Variants in RC3H2 observed in about 807,000 individuals in gnomAD.
RC3H2 encodes roquin-2.
Under a neutral mutation model 133.3 loss-of-function variants are expected in RC3H2, and 31 were observed. That is an observed-to-expected ratio of 0.23 (90% confidence interval 0.17 to 0.31). RC3H2 has a LOEUF of 0.31. RC3H2 is among the 10% of genes least tolerant of loss of function. The probability of loss-of-function intolerance (pLI) is 1.00; values close to 1 mark genes in which losing one functional copy is unlikely to be tolerated. For missense variants in RC3H2, 1,175 were observed against 1,437.2 expected (o/e 0.82, Z 2.95); for synonymous variants, 517 against 502.2 (o/e 1.03, Z -0.40).
intron 4 of RC3H2, among the ~76,000 whole-genome samples, chr9:122,889,733 A>C (rs1202994009): frequency 6.6e-6 from 1 of 152,234 alleles, no homozygotes; most frequent in Non-Finnish European, 1.5e-5. Context: ...TTGGTTTTCT[A>C]ATTTGTAAAA....
intron 1 of RC3H2, among the ~76,000 whole-genome samples, chr9:122,898,712 G>A (rs1017127293): frequency 6.2e-5 from 9 of 144,212 alleles, no homozygotes; most frequent in Non-Finnish European, 1.2e-4. Flanking sequence ...TCACGTCATC[G>A]CACTCCAGCC....
intron 13 of RC3H2, among the ~76,000 whole-genome samples, chr9:122,856,791 A>C (rs999610564): frequency 6.6e-6 from 1 of 152,194 alleles, no homozygotes; most frequent in African/African-American, 2.4e-5. Flanking sequence ...AGGGCAAAAA[A>C]GTTAAAAAAC....
At chr9:122,904,626 A>G (rs2131519917) in intron 1 of RC3H2, among the ~76,000 whole-genome samples, 1 of 152,162 alleles carries the variant, frequency 6.6e-6, no homozygotes, top group East Asian at 1.9e-4. Flanking sequence ...CCATCCTGGG[A>G]GGTTAAGCCC....
chr9:122,851,497 C>T, intron 18 of RC3H2, 61 bp from the exon 19 acceptor site: 1 of 1,574,326 alleles, frequency 6.4e-7, no homozygotes, highest in Non-Finnish European at 8.6e-7. Context: ...GTCTCCCTCT[C>T]CCCATGGTCT....
chr9:122,889,873 G>A (rs1832084636), intron 4 of RC3H2, among the ~76,000 whole-genome samples: 1 of 152,186 alleles, frequency 6.6e-6, no homozygotes, highest in Admixed American at 6.5e-5. Flanking sequence ...TGGGTGCAGT[G>A]GCTCACGCCT....
At chr9:122,852,659 C>T (rs1227328332) in intron 18 of RC3H2, among the ~76,000 whole-genome samples, 4 of 150,316 alleles carry the variant, frequency 2.7e-5, no homozygotes, top group Admixed American at 6.6e-5. Context: ...CCCGGCCAGC[C>T]GCCCTGTCCG....
chr9:122,875,437 A>T, intron 9 of RC3H2: 1 of 1,445,382 alleles, frequency 6.9e-7, no homozygotes, highest in Non-Finnish European at 9.1e-7. Context: ...GTTTTTATAA[A>T]TAAAGTTTAC....
intron 20 of RC3H2, among the ~76,000 whole-genome samples, chr9:122,850,508 C>T (rs1289816227): frequency 9.2e-5 from 14 of 151,716 alleles, no homozygotes; most frequent in African/African-American, 2.9e-4. Context: ...TGCAGTGTCA[C>T]GATCTTGGCT....
chr9:122,852,369 G>A (rs1467407567), intron 18 of RC3H2, among the ~76,000 whole-genome samples: 12 of 149,990 alleles, frequency 8.0e-5, no homozygotes, highest in Admixed American at 6.6e-5. Flanking sequence ...AGTGAGGAGC[G>A]TCTCCGCCCG....
chr9:122,890,857 T>C (rs1028202310), intron 3 of RC3H2, among the ~76,000 whole-genome samples: 14 of 152,170 alleles, frequency 9.2e-5, no homozygotes, highest in African/African-American at 3.1e-4. Flanking sequence ...GTAAGAATAT[T>C]GCTCCAGCAA....
intron 1 of RC3H2, among the ~76,000 whole-genome samples, chr9:122,902,162 C>A (rs1832681567): frequency 2.0e-5 from 3 of 151,962 alleles, no homozygotes; most frequent in Admixed American, 2.0e-4. Context: ...AACTCCTGAC[C>A]TCAGGTGATC....
At chr9:122,890,880 C>G in intron 3 of RC3H2, among the ~76,000 whole-genome samples, 1 of 152,072 alleles carries the variant, frequency 6.6e-6, no homozygotes, top group East Asian at 1.9e-4. Context: ...CTCCCCTCTC[C>G]CACATTATCA....
In RC3H2 at chr9:122,849,592, T is replaced by A. The variant is rs889386850; in HGVS notation, c.*35A>T. The A allele has an allele frequency of 7.3e-7, 1 of 1,368,466 alleles. No individual in the cohort carries two copies. Among genetic ancestry groups the A allele is most frequent in the African/African-American group, 1.4e-5 (1 of 69,452 alleles). 84.8% of individuals were successfully genotyped at this position (1,368,466 alleles called of 1,614,324 possible). On this transcript the variant is annotated 3_prime_UTR_variant, in exon 21 of 21. Coordinates refer to ENST00000357244, the MANE Select transcript of RC3H2 (RefSeq NM_001100588.3). ...TAAAAAGCTAGTGTAAATGCTTCCATGGTGTGGTCACAAATTTGAAAGATG... is the reference window on the plus strand; with the variant it reads ...TAAAAAGCTAGTGTAAATGCTTCCAAGGTGTGGTCACAAATTTGAAAGATG...
intron 9 of RC3H2, among the ~76,000 whole-genome samples, chr9:122,872,632 C>T (rs978951615): frequency 3.3e-5 from 5 of 152,104 alleles, no homozygotes; most frequent in Admixed American, 3.3e-4. Flanking sequence ...CTCACTCTAT[C>T]ACCCAGGTTG....
intron 8 of RC3H2, among the ~76,000 whole-genome samples, chr9:122,879,314 A>G (rs1379995586): frequency 6.6e-6 from 1 of 151,938 alleles, no homozygotes; most frequent in African/African-American, 2.4e-5. Context: ...GAATCACCTG[A>G]ACTCAGGAGG....
At chr9:122,865,691 T>C (rs1830617832) in intron 9 of RC3H2, 34 bp from the exon 10 acceptor site, 6 of 1,575,860 alleles carry the variant, frequency 3.8e-6, no homozygotes, top group Non-Finnish European at 5.2e-6. Flanking sequence ...TTGGTGAATA[T>C]TTCACTAAAT....
chr9:122,900,239 G>GAAA (rs1832604410), intron 1 of RC3H2, among the ~76,000 whole-genome samples: 1 of 151,922 alleles, frequency 6.6e-6, no homozygotes, highest in African/African-American at 2.4e-5. Context: ...AGATATAAAG[G>GAAA]TAAAACACTG....
intron 4 of RC3H2, among the ~76,000 whole-genome samples, chr9:122,887,161 G>A (rs368489458): frequency 1.3e-5 from 2 of 152,152 alleles, no homozygotes; most frequent in South Asian, 2.1e-4. Context: ...AATACATTTG[G>A]GGATGTAAAA....
In RC3H2 at chr9:122,860,094, C is replaced by G. The variant is rs1019226432; in HGVS notation, c.1672G>C (p.Val558Leu). 1 of 1,614,096 alleles carries G rather than the reference C, an allele frequency of 6.2e-7. No individual in the cohort carries two copies. The change falls in exon 11 of 21, where the codon GTA (valine) becomes CTA (leucine). Residue 558 changes from valine to leucine, a missense_variant. Val to Leu is a conservative substitution (Grantham distance 32). This residue lies in a region of RC3H2 where 490 missense variants were observed against 492.8 expected (regional missense o/e 0.99). Coordinates refer to ENST00000357244, the MANE Select transcript of RC3H2 (RefSeq NM_001100588.3). ...GAGGGCCCAGCTGAGGTAGCTGCTA[C>G]ATTACTTACAGGAGTCTTGGGTGGA... ...GSPPKTPVSN[V>L]AATSAGPSNV...
Sources: allele counts gnomAD v4.1 joint callset (sites outside exome capture counted in the v4.1 genomes callset), GRCh38; gene constraint gnomAD v4.1.1; regional missense constraint gnomAD v4.1.1; transcripts MANE v1.5; gene names NCBI Gene and HGNC (gene_info 2026-07-23, HGNC 2026-07-21).